Variants in RRAGD observed in about 807,000 individuals in gnomAD.
RRAGD encodes Ras related GTP binding D, also known as ras-related GTP-binding protein D.
A neutral mutation model predicts 35.5 loss-of-function variants in RRAGD; 12 were observed. That is an observed-to-expected ratio of 0.34 (90% CI 0.22 to 0.55). The LOEUF (loss-of-function observed/expected upper bound fraction) is 0.55, where lower values mean the gene tolerates loss of function less well. Among genes scored for constraint, RRAGD ranks in the 20% least tolerant of loss-of-function variants. RRAGD has a pLI of 0.91. For missense variants in RRAGD, 324 were observed against 490.1 expected (o/e 0.66, Z 3.20); for synonymous variants, 155 against 178.9 (o/e 0.87, Z 1.07).
rs773507918 is a variant in RRAGD at position 89,411,839 on chromosome 6, C to G, written c.148+7G>C. On this transcript the variant is annotated splice_region_variant and intron_variant, in intron 1 of 6. Coordinates refer to ENST00000369415, the MANE Select transcript of RRAGD (RefSeq NM_021244.5). The surrounding 1 kb of genome is among the most constrained non-coding windows in gnomAD (Gnocchi z 5.6). Reference sequence around the variant, plus strand: ...GCGAGCCGAGGACGCGGGGGCCGGGCGCTCACCTCCCTCCTCTGTGCCGCT... The same window carrying G: ...GCGAGCCGAGGACGCGGGGGCCGGGGGCTCACCTCCCTCCTCTGTGCCGCT... 18 of 1,548,304 alleles carry G rather than the reference C, an allele frequency of 1.2e-5. No individual in the cohort carries two copies. In the East Asian group the frequency reaches 3.6e-4, roughly 31 times the overall value.
intron 6 of RRAGD, among the ~76,000 whole-genome samples, chr6:89,371,725 G>C (rs755845962): frequency 2.0e-4 from 30 of 152,078 alleles, no homozygotes; most frequent in Non-Finnish European, 3.8e-4. Context: ...CAACAAATTA[G>C]TAAACCATAC....
In RRAGD at chr6:89,365,928, G is replaced by A. The variant is rs9342193; in HGVS notation, c.*2128C>T. The A allele has an allele frequency of 6.6e-6, 1 of 152,170 alleles. No homozygotes were observed. The highest frequency in any genetic ancestry group is 1.5e-5 in the Non-Finnish European group (1 of 68,032). The allele number at this position is 152,170 out of a possible 1,614,324, so 9.4% of individuals were successfully genotyped here. The stretch of plus-strand genomic sequence containing the variant: ...GTGAAACAACATGTAAAAAATATTA[G>A]AGAATTAGATTTATAACAATAACCC... On this transcript the variant is annotated 3_prime_UTR_variant, in exon 7 of 7. Coordinates refer to ENST00000369415, the MANE Select transcript of RRAGD (RefSeq NM_021244.5).
chr6:89,404,807 G>A (rs1769545732), intron 1 of RRAGD, among the ~76,000 whole-genome samples: 1 of 152,168 alleles, frequency 6.6e-6, no homozygotes, highest in South Asian at 2.1e-4. Context: ...GGTTAGGAAT[G>A]CTTACAACAA....
chr6:89,387,140 G>A (rs1057333375), intron 2 of RRAGD, among the ~76,000 whole-genome samples, 155 bp downstream of exon 2: 3 of 152,124 alleles, frequency 2.0e-5, no homozygotes, highest in Non-Finnish European at 4.4e-5. Flanking sequence ...GTCACGGCTG[G>A]AGCCTTTTAA....
chr6:89,392,637 G>A (rs1769258884), intron 1 of RRAGD, among the ~76,000 whole-genome samples: 1 of 151,620 alleles, frequency 6.6e-6, no homozygotes. Context: ...TTTCCCTATT[G>A]TAACCAACAA....
At chr6:89,384,310 C>G (rs572932251) in intron 2 of RRAGD, among the ~76,000 whole-genome samples, 1 of 152,284 alleles carries the variant, frequency 6.6e-6, no homozygotes, top group Non-Finnish European at 1.5e-5. Flanking sequence ...TTACAGCATT[C>G]AACAATGCTT....
rs58343827 is a variant in RRAGD at position 89,382,400 on chromosome 6, A to AATATATATATATATATATATAT, written c.445-2055_445-2034dup. Among the ~76,000 whole-genome samples, 433 of 130,790 alleles carry AATATATATATATATATATATAT rather than the reference A, an allele frequency of 3.3e-3. 14 individuals are homozygous for AATATATATATATATATATATAT. Among genetic ancestry groups the AATATATATATATATATATATAT allele is most frequent in the East Asian group, 0.023 (82 of 3,620 alleles). The allele number at this position is 130,790 out of a possible 152,430, so 85.8% of individuals were successfully genotyped here. ...ACACAGTGAGACCCCTATCTCTAGA[A>AATATATATATATATATATATAT]ATATATATATATATATATATATGTA... On this transcript the variant is annotated intron_variant, in intron 2 of 6. Transcript: ENST00000369415.
At chr6:89,379,118 T>A (rs1768999753) in intron 4 of RRAGD, 106 bp downstream of exon 4, 2 of 571,684 alleles carry the variant, frequency 3.5e-6, no homozygotes, top group African/African-American at 3.9e-5. Context: ...AATACTTAAA[T>A]GACCTTGAAA....
intron 1 of RRAGD, among the ~76,000 whole-genome samples, chr6:89,392,307 T>C: frequency 6.6e-6 from 1 of 151,700 alleles, no homozygotes; most frequent in East Asian, 1.9e-4. Flanking sequence ...GACCTTTGTC[T>C]CTACAAAAAA....
rs549077249 is a variant in RRAGD at position 89,370,824 on chromosome 6, T to G, written c.1051+1613A>C. Among the ~76,000 whole-genome samples, 11 of 152,202 alleles carry G rather than the reference T, an allele frequency of 7.2e-5. No homozygotes were observed. The East Asian group carries it at 2.1e-3, about 29-fold the overall frequency. On this transcript the variant is annotated intron_variant, in intron 6 of 6. Transcript: ENST00000369415. ...AATCTATCATAGTCCTTTTAGAAAATGCATATGCAAGAAAGGACTGGAAAA... is the reference window on the plus strand; with the variant it reads ...AATCTATCATAGTCCTTTTAGAAAAGGCATATGCAAGAAAGGACTGGAAAA...
At chr6:89,399,180 T>C (rs780217312) in intron 1 of RRAGD, among the ~76,000 whole-genome samples, 6 of 152,168 alleles carry the variant, frequency 3.9e-5, no homozygotes, top group Non-Finnish European at 7.4e-5. Flanking sequence ...CCTGTAGAAG[T>C]TGAATCTCCT....
chr6:89,390,469 T>C (rs1026490287), intron 1 of RRAGD, among the ~76,000 whole-genome samples: 4 of 152,202 alleles, frequency 2.6e-5, no homozygotes, highest in African/African-American at 9.7e-5. Flanking sequence ...GAGATCCCAC[T>C]TCACACCTAC....
intron 1 of RRAGD, among the ~76,000 whole-genome samples, chr6:89,395,798 G>T (rs1457337067): frequency 1.3e-5 from 2 of 152,178 alleles, no homozygotes; most frequent in African/African-American, 4.8e-5. Flanking sequence ...CAAACTGTGA[G>T]TGTTGGTGTA....
In RRAGD at chr6:89,366,210, T is replaced by C. The variant is rs939142320; in HGVS notation, c.*1846A>G. 4 of 151,390 alleles carry C rather than the reference T, an allele frequency of 2.6e-5. No homozygotes were observed. Among genetic ancestry groups the C allele is most frequent in the African/African-American group, 4.9e-5 (2 of 41,128 alleles). 9.4% of individuals were successfully genotyped at this position (151,390 alleles called of 1,614,324 possible). On this transcript the variant is annotated 3_prime_UTR_variant, in exon 7 of 7. Transcript: ENST00000369415. ...GACTTGGGGAGAGGAAGGAGAGAGG[T>C]TGGAAAGAAGCCACAGAGAGAAGTG... is the stretch of plus-strand genomic sequence containing the variant.
At chr6:89,379,485 C>G (rs912910299) in intron 3 of RRAGD, 147 bp from the exon 4 acceptor site, 1 of 405,030 alleles carries the variant, frequency 2.5e-6, no homozygotes, top group South Asian at 5.9e-5. Flanking sequence ...ACAGTGACCT[C>G]GGTAAAAAAC....
In RRAGD at chr6:89,411,782, G is replaced by T. The variant is rs1056128012; in HGVS notation, c.148+64C>A. The T allele has an allele frequency of 4.0e-6, 6 of 1,492,060 alleles. No homozygotes were observed. The African/African-American group carries it at 8.5e-5, about 21-fold the overall frequency. 92.4% of individuals were successfully genotyped at this position (1,492,060 alleles called of 1,614,324 possible). The stretch of plus-strand genomic sequence containing the variant: ...GGTGGCTCGCGCACGGCCGGGCTGG[G>T]GGCGGGAAGGCGCCAAGGGGAGGAA... On this transcript the variant is annotated intron_variant, in intron 1 of 6. Coordinates refer to ENST00000369415, the MANE Select transcript of RRAGD (RefSeq NM_021244.5). The surrounding 1 kb of genome is among the most constrained non-coding windows in gnomAD (Gnocchi z 5.6).
Position 89,411,679 on chromosome 6 carries a change from G to A in RRAGD, c.148+167C>T, listed in dbSNP as rs1246583965. Among the ~76,000 whole-genome samples, 7 of 152,304 alleles carry A rather than the reference G, an allele frequency of 4.6e-5. No individual in the cohort carries two copies. The East Asian group carries it at 1.4e-3, about 30-fold the overall frequency. On this transcript the variant is annotated intron_variant, in intron 1 of 6. Transcript: ENST00000369415. This position sits in a 1 kb window ranked among gnomAD's most constrained non-coding sequence, Gnocchi z 5.6. ...CAGCACCGCGCTCCCTCATTTGGCA[G>A]CTCGAGGTCGGGCTTTTGGCGTCCC...
At position 89,402,019 on chromosome 6, in the gene RRAGD, C is replaced by T. The variant is rs368585159; in HGVS notation, c.148+9827G>A. Among the ~76,000 whole-genome samples the T allele has an allele frequency of 1.2e-4, 17 of 139,000 alleles. No homozygotes were observed. In the South Asian group the frequency reaches 3.9e-3, roughly 32 times the overall value. 91.2% of individuals were successfully genotyped at this position (139,000 alleles called of 152,430 possible). On this transcript the variant is annotated intron_variant, in intron 1 of 6. Transcript: ENST00000369415. ...GGAAGTTTGGATTTTACCCTGAAAG[C>T]ACTGAGGAAATCCTAAGGATTTTTT...
chr6:89,385,164 C>A (rs1170091094), intron 2 of RRAGD, among the ~76,000 whole-genome samples: 1 of 152,152 alleles, frequency 6.6e-6, no homozygotes, highest in African/African-American at 2.4e-5. Context: ...GCAGATGTAC[C>A]TATTTTCGCC....
Sources: gnomAD v4.1 joint callset for allele counts (sites outside exome capture counted in the v4.1 genomes callset) on GRCh38, gnomAD v4.1.1 for gene constraint, Gnocchi (gnomAD v3.1) non-coding constraint, MANE v1.5 for transcripts, NCBI Gene and HGNC (gene_info 2026-07-23, HGNC 2026-07-21) for gene names.